SDK1: variants seen among roughly 807,000 people sequenced by gnomAD.
SDK1 encodes sidekick cell adhesion molecule 1, also known as protein sidekick-1.
Under a neutral mutation model 245.5 loss-of-function variants are expected in SDK1, and 157 were observed. The observed-to-expected ratio is 0.64, with a 90% CI of 0.56 to 0.73. The LOEUF (loss-of-function observed/expected upper bound fraction) is 0.73, where lower values mean the gene tolerates loss of function less well. Among genes scored for constraint, SDK1 ranks in the 30% least tolerant of loss-of-function variants. SDK1 has a pLI of 0.00. For missense variants in SDK1, 3,583 were observed against 3,002.3 expected, an observed-to-expected ratio of 1.19 and a Z score of -4.52; for synonymous variants, 1,647 against 1,278.5, an observed-to-expected ratio of 1.29 and a Z score of -6.15.
At chr7:4,226,611 G>A (rs990063527) in intron 40 of SDK1, among the ~76,000 whole-genome samples, 1 of 152,216 alleles carries the variant, frequency 6.6e-6, no homozygotes, top group Non-Finnish European at 1.5e-5. Context: ...CGCTCCATGA[G>A]TGTGAGCCCA....
chr7:4,122,814 C>A (rs1157959004), intron 25 of SDK1, among the ~76,000 whole-genome samples: 2 of 152,194 alleles, frequency 1.3e-5, no homozygotes, highest in African/African-American at 2.4e-5. Context: ...GGAGTTGAAT[C>A]TACTTCAAAA....
chr7:3,693,142 T>C (rs1784480060), intron 4 of SDK1, among the ~76,000 whole-genome samples: 2 of 152,138 alleles, frequency 1.3e-5, no homozygotes, highest in African/African-American at 4.8e-5. Context: ...TTAATAATTT[T>C]TGTTTTTTTA....
intron 22 of SDK1, among the ~76,000 whole-genome samples, chr7:4,107,025 G>GA (rs1782969219): frequency 2.6e-5 from 4 of 151,656 alleles, no homozygotes; most frequent in Admixed American, 6.6e-5. Flanking sequence ...GAGGAGGGCA[G>GA]GGAGCTCTAG....
intron 1 of SDK1, among the ~76,000 whole-genome samples, chr7:3,618,159 T>C (rs1781826833): frequency 6.6e-6 from 1 of 152,078 alleles, no homozygotes; most frequent in Non-Finnish European, 1.5e-5. Context: ...TATTAAAAAA[T>C]GTTATTGAAA....
chr7:4,168,759 C>A (rs926354585), intron 32 of SDK1, among the ~76,000 whole-genome samples: 1 of 152,172 alleles, frequency 6.6e-6, no homozygotes, highest in African/African-American at 2.4e-5. Context: ...TGAAGGTGAC[C>A]TCAGGGCGAG....
chr7:4,031,299 A>G (rs908631682), intron 17 of SDK1, among the ~76,000 whole-genome samples: 11 of 152,246 alleles, frequency 7.2e-5, no homozygotes, highest in South Asian at 6.2e-4. Context: ...TCAGCAAATT[A>G]TAATATTTAT....
At position 3,753,586 on chromosome 7, in the gene SDK1, C is replaced by T. The variant is rs114069103; in HGVS notation, c.714-67864C>T. On this transcript the variant is annotated intron_variant, in intron 4 of 44. Transcript: ENST00000404826. ...TTGCAGTTGCCTCTGATTCCTCCCTCGAAGTCTGGGAGCCTTAAGGGTGAA... is the reference window on the plus strand; with the variant it reads ...TTGCAGTTGCCTCTGATTCCTCCCTTGAAGTCTGGGAGCCTTAAGGGTGAA... Among the ~76,000 whole-genome samples, 326 of 152,330 alleles carry T rather than the reference C, an allele frequency of 2.1e-3. 1 individual carries two copies. Among genetic ancestry groups the T allele is most frequent in the African/African-American group, 7.3e-3 (303 of 41,572 alleles).
At position 3,559,543 on chromosome 7, in the gene SDK1, C is replaced by A. The variant is rs1389638164; in HGVS notation, c.299-59537C>A. On this transcript the variant is annotated intron_variant, in intron 1 of 44. Transcript: ENST00000404826. Reference sequence around the variant, plus strand: ...AGTGCCAAGATGTAGTAATCAGCTTCCTCAGATGTAGTCATTCATTGACGC... The same window carrying A: ...AGTGCCAAGATGTAGTAATCAGCTTACTCAGATGTAGTCATTCATTGACGC... Among the ~76,000 whole-genome samples the A allele has an allele frequency of 2.0e-5, 3 of 152,118 alleles. No homozygotes were observed. The East Asian group carries it at 5.8e-4, about 29-fold the overall frequency.
At chr7:3,444,425 C>G (rs1259079898) in intron 1 of SDK1, among the ~76,000 whole-genome samples, 2 of 152,078 alleles carry the variant, frequency 1.3e-5, no homozygotes, top group Non-Finnish European at 2.9e-5. Flanking sequence ...TTTAGGAGTG[C>G]TTAATGAATA....
In SDK1 at chr7:4,268,778, A is replaced by C; in HGVS notation, c.*3394A>C. On this transcript the variant is annotated 3_prime_UTR_variant, in exon 45 of 45. Coordinates refer to ENST00000404826, the MANE Select transcript of SDK1 (RefSeq NM_152744.4). ...TGGATCCAGTCTGAAAGGTGAGGAC[A>C]ACGTGGAAACTCATGAGCTGAGCCT... The C allele has an allele frequency of 7.3e-7, 1 of 1,362,004 alleles. No homozygotes were observed. The allele number at this position is 1,362,004 out of a possible 1,614,324, so 84.4% of individuals were successfully genotyped here.
intron 5 of SDK1, among the ~76,000 whole-genome samples, chr7:3,944,645 G>C (rs1211537907): frequency 6.6e-6 from 1 of 152,156 alleles, no homozygotes; most frequent in Non-Finnish European, 1.5e-5. Context: ...AAAACCTTTT[G>C]GTAGAAAAGC....
chr7:3,981,555 G>T (rs1048162841), intron 13 of SDK1, among the ~76,000 whole-genome samples: 1 of 152,204 alleles, frequency 6.6e-6, no homozygotes, highest in Non-Finnish European at 1.5e-5. Context: ...AGCTGTGAAT[G>T]CAAAGGGAAA....
At chr7:4,225,287 C>T (rs1785364430) in intron 40 of SDK1, among the ~76,000 whole-genome samples, 1 of 152,164 alleles carries the variant, frequency 6.6e-6, no homozygotes, top group Admixed American at 6.5e-5. Context: ...GCTTGGGACT[C>T]TTCAACTACC....
intron 1 of SDK1, among the ~76,000 whole-genome samples, chr7:3,428,060 A>C (rs576314844): frequency 6.6e-6 from 1 of 152,282 alleles, no homozygotes; most frequent in East Asian, 1.9e-4. Context: ...TTTTTGTAAA[A>C]TGTCAAGTGG....
chr7:3,688,081 A>G (rs535474535), intron 4 of SDK1, among the ~76,000 whole-genome samples: 65 of 152,384 alleles, frequency 4.3e-4, no homozygotes, highest in Non-Finnish European at 6.5e-4. Context: ...AAGCCAGTGT[A>G]CTAAGAGCTG....
intron 5 of SDK1, among the ~76,000 whole-genome samples, chr7:3,848,913 G>C (rs113571979): frequency 2.0e-5 from 3 of 152,062 alleles, no homozygotes; most frequent in African/African-American, 7.2e-5. Flanking sequence ...CTTATGATCC[G>C]CCCACCTCGG....
At chr7:4,125,489 TGATG>T (rs138042822) in intron 25 of SDK1, among the ~76,000 whole-genome samples, 21 of 146,534 alleles carry the variant, frequency 1.4e-4, no homozygotes, top group South Asian at 2.2e-4. Flanking sequence ...ATGGATTGAT[TGATG>T]GATGGATGGA....
At chr7:3,559,750 AT>A (rs1414256035) in intron 1 of SDK1, among the ~76,000 whole-genome samples, 1 of 104,982 alleles carries the variant, frequency 9.5e-6, no homozygotes, top group African/African-American at 4.4e-5. Context: ...ATGACATTGT[AT>A]TTTTTCAAAA....
Position 4,173,493 on chromosome 7 carries a change from C to T in SDK1, c.4801-729C>T, listed in dbSNP as rs574570389. 4.6e-5 allele frequency among the ~76,000 whole-genome samples: 7 copies of T among 152,326 alleles called. No homozygotes were observed. The East Asian group carries it at 1.4e-3, about 29-fold the overall frequency. ...GGTCTCATAACCCTGTGTTTAGATT[C>T]CAGCAAGACCTGAAACTCCACTTCC... is the stretch of plus-strand genomic sequence containing the variant. On this transcript the variant is annotated intron_variant, in intron 32 of 44. Coordinates refer to ENST00000404826, the MANE Select transcript of SDK1 (RefSeq NM_152744.4).
Sources: allele counts gnomAD v4.1 joint callset (sites outside exome capture counted in the v4.1 genomes callset), GRCh38; gene constraint gnomAD v4.1.1; transcripts MANE v1.5; gene names NCBI Gene and HGNC (gene_info 2026-07-23, HGNC 2026-07-21).